TGIF2: variants seen among roughly 807,000 people sequenced by gnomAD.
The protein encoded by TGIF2 is TGFB induced factor homeobox 2.
Under a neutral mutation model 15.1 loss-of-function variants are expected in TGIF2, and 5 were observed. The observed-to-expected ratio is 0.33, with a 90% CI of 0.17 to 0.70. The LOEUF is 0.70. Among genes scored for constraint, TGIF2 ranks in the 30% least tolerant of loss-of-function variants. TGIF2 has a pLI of 0.67. For missense variants in TGIF2, 264 were observed against 302.5 expected, an observed-to-expected ratio of 0.87 and a Z score of 0.94; for synonymous variants, 131 against 128.9, an observed-to-expected ratio of 1.02 and a Z score of -0.11.
chr20:36,581,784 AC>A (rs369199784), intron 2 of TGIF2, among the ~76,000 whole-genome samples: 1 of 151,898 alleles, frequency 6.6e-6, no homozygotes, highest in African/African-American at 2.4e-5. Context: ...GCATGCCCCT[AC>A]GCCCAGCTAA....
At chr20:36,576,174 G>A (rs781475051) in intron 1 of TGIF2, among the ~76,000 whole-genome samples, 6 of 152,308 alleles carry the variant, frequency 3.9e-5, no homozygotes, top group Non-Finnish European at 5.9e-5. Context: ...CTGAGCAGCT[G>A]AGTTGGGTTA....
Position 36,592,387 on chromosome 20 carries a change from T to TTTTTTTTTC in TGIF2, c.*969_*977dup, listed in dbSNP as rs2038783542. 6.8e-6 allele frequency: 1 copy of TTTTTTTTTC among 147,740 alleles called. No individual in the cohort carries two copies. Among genetic ancestry groups the TTTTTTTTTC allele is most frequent in the African/African-American group, 2.6e-5 (1 of 37,748 alleles). The allele number at this position is 147,740 out of a possible 1,614,324, so 9.2% of individuals were successfully genotyped here. The stretch of plus-strand genomic sequence containing the variant: ...AGTAAACTAGACTGAAGCGATGGAT[T>TTTTTTTTTC]TTTTTTTTCTTTTTTTTCTTTAGTG... On this transcript the variant is annotated 3_prime_UTR_variant, in exon 3 of 3. Coordinates refer to ENST00000373872, the MANE Select transcript of TGIF2 (RefSeq NM_021809.7).
upstream of TGIF2, chr20:36,573,553 G>GGAGGGCGCA (rs1191465106): frequency 2.0e-5 from 3 of 151,728 alleles, no homozygotes; most frequent in Non-Finnish European, 2.9e-5. Flanking sequence ...GGCGGGTGGG[G>GGAGGGCGCA]GAGGGCGCAG....
chr20:36,576,216 T>C (rs1473630764), intron 1 of TGIF2, among the ~76,000 whole-genome samples: 1 of 151,778 alleles, frequency 6.6e-6, no homozygotes, highest in South Asian at 2.1e-4. Context: ...ATTTGACAGG[T>C]GAAGAGGGGA....
At chr20:36,581,954 G>A (rs1054396911) in intron 2 of TGIF2, among the ~76,000 whole-genome samples, 21 of 151,996 alleles carry the variant, frequency 1.4e-4, no homozygotes, top group Middle Eastern at 3.2e-3. Context: ...AACATTTTTC[G>A]GCCGGGAATG....
At chr20:36,577,466 C>T (rs2038454715) in intron 1 of TGIF2, among the ~76,000 whole-genome samples, 1 of 151,780 alleles carries the variant, frequency 6.6e-6, no homozygotes, top group Non-Finnish European at 1.5e-5. Flanking sequence ...CCACCTCGGC[C>T]TCCCAAAGTG....
intron 2 of TGIF2, among the ~76,000 whole-genome samples, chr20:36,585,252 CTT>C (rs746178271): frequency 2.6e-5 from 4 of 151,770 alleles, no homozygotes; most frequent in Admixed American, 6.6e-5. Context: ...AATCCCAACA[CTT>C]TGGGAGGCTG....
intron 2 of TGIF2, among the ~76,000 whole-genome samples, chr20:36,589,035 G>A (rs955894101): frequency 3.9e-5 from 6 of 152,196 alleles, no homozygotes; most frequent in African/African-American, 1.4e-4. Context: ...GAACCCCACG[G>A]CCAGGGCCTT....
At chr20:36,583,294 C>CA (rs916803751) in intron 2 of TGIF2, among the ~76,000 whole-genome samples, 6 of 148,882 alleles carry the variant, frequency 4.0e-5, no homozygotes, top group Non-Finnish European at 6.0e-5. Context: ...AACAAACAAA[C>CA]AAAAAAAACC....
At chr20:36,587,329 A>G (rs781039160) in intron 2 of TGIF2, among the ~76,000 whole-genome samples, 1 of 152,196 alleles carries the variant, frequency 6.6e-6, no homozygotes, top group Non-Finnish European at 1.5e-5. Flanking sequence ...ACCCTCAGCC[A>G]AAGTGGGAAG....
At chr20:36,585,441 G>A (rs902053648) in intron 2 of TGIF2, among the ~76,000 whole-genome samples, 9 of 143,990 alleles carry the variant, frequency 6.3e-5, no homozygotes, top group African/African-American at 2.1e-4. Flanking sequence ...CTCCAGCCTG[G>A]TCTACAGAAC....
Position 36,586,695 on chromosome 20 carries a change from C to CA in TGIF2, c.193-4215_193-4214insA, listed in dbSNP as rs927508794. Among the ~76,000 whole-genome samples, 11 of 138,164 alleles carry CA rather than the reference C, an allele frequency of 8.0e-5. No homozygotes were observed. In the East Asian group the frequency reaches 1.8e-3, roughly 22 times the overall value. 90.6% of individuals were successfully genotyped at this position (138,164 alleles called of 152,430 possible). ...GGGCAAAGAAGTGAGACTCCATTTC[C>CA]CCCCCCCCAAAAAAAAAAATCTCCC... On this transcript the variant is annotated intron_variant, in intron 2 of 2. Transcript: ENST00000373872.
chr20:36,587,706 A>G (rs530287571), intron 2 of TGIF2, among the ~76,000 whole-genome samples: 1 of 152,248 alleles, frequency 6.6e-6, no homozygotes, highest in African/African-American at 2.4e-5. Context: ...TGTTTCTTCA[A>G]GGGAGATCAT....
chr20:36,588,355 C>CTTTT (rs397802665), intron 2 of TGIF2, among the ~76,000 whole-genome samples: 71 of 60,436 alleles, frequency 1.2e-3, no homozygotes, highest in Non-Finnish European at 1.5e-3. Flanking sequence ...GCCCTTCCTT[C>CTTTT]TTTTTTTTTT....
chr20:36,586,836 G>C (rs2038670147), intron 2 of TGIF2, among the ~76,000 whole-genome samples: 1 of 152,030 alleles, frequency 6.6e-6, no homozygotes, highest in African/African-American at 2.4e-5. Context: ...TTGCTTCCTT[G>C]ACACAAAAAT....
In TGIF2 at chr20:36,573,688, C is replaced by T. The variant is rs1204800309; in HGVS notation, c.-92C>T. 5.3e-5 allele frequency: 8 copies of T among 152,024 alleles called. No homozygotes were observed. Among genetic ancestry groups the T allele is most frequent in the African/African-American group, 1.9e-4 (8 of 41,466 alleles). The allele number at this position is 152,024 out of a possible 1,614,324, so 9.4% of individuals were successfully genotyped here. On this transcript the variant is annotated 5_prime_UTR_variant, in exon 1 of 3. Transcript: ENST00000373872. ...CGCGCCCCCGGCGCCCCCCGCTCCC[C>T]GCCGGGACGCCCCGCGCCGAGCCGG...
At chr20:36,580,551 C>CCTG (rs1186881443) in intron 2 of TGIF2, among the ~76,000 whole-genome samples, 25 of 152,224 alleles carry the variant, frequency 1.6e-4, no homozygotes, top group Admixed American at 5.9e-4. Flanking sequence ...GTGGCTCACA[C>CCTG]CTGTAATCCC....
intron 2 of TGIF2, among the ~76,000 whole-genome samples, chr20:36,580,981 G>T (rs2038534460): frequency 6.6e-6 from 1 of 151,904 alleles, no homozygotes; most frequent in Admixed American, 6.6e-5. Flanking sequence ...AAAAAAAATT[G>T]CCAGGTGTGG....
At chr20:36,578,720 C>T in intron 1 of TGIF2, 21 bp from the exon 2 acceptor site, 2 of 1,547,202 alleles carry the variant, frequency 1.3e-6, no homozygotes, top group East Asian at 2.3e-5. Context: ...ATGTTCCCAT[C>T]CCCTGTGTCC....
Sources: allele counts gnomAD v4.1 joint callset (sites outside exome capture counted in the v4.1 genomes callset), GRCh38; gene constraint gnomAD v4.1.1; transcripts MANE v1.5; gene names NCBI Gene and HGNC (gene_info 2026-07-23, HGNC 2026-07-21).